The following IL7 variants were observed in gnomAD, a reference collection of about 807,000 sequenced individuals.
IL7 encodes interleukin 7.
IL7 carries 3 observed loss-of-function variants against 21.6 expected under a neutral mutation model. The ratio of observed to expected loss-of-function variants is 0.14; its 90% confidence interval spans 0.06 to 0.36. The LOEUF (loss-of-function observed/expected upper bound fraction) is 0.36, where lower values mean the gene tolerates loss of function less well. Among genes scored for constraint, IL7 ranks in the 10% least tolerant of loss-of-function variants. IL7 has a pLI of 1.00. For missense variants in IL7, 175 were observed against 200.2 expected, an observed-to-expected ratio of 0.87 and a Z score of 0.76; for synonymous variants, 62 against 68.1, an observed-to-expected ratio of 0.91 and a Z score of 0.44.
chr8:78,795,104 G>A (rs1813811393), intron 2 of IL7, among the ~76,000 whole-genome samples: 1 of 152,034 alleles, frequency 6.6e-6, no homozygotes, highest in African/African-American at 2.4e-5. Context: ...GTGAAACGGA[G>A]GTAGTAAGAG....
intron 3 of IL7, chr8:78,698,373 T>G: frequency 1.3e-6 from 2 of 1,514,242 alleles, no homozygotes; most frequent in Non-Finnish European, 1.8e-6. Context: ...TATGTAACCT[T>G]TTTTAGAGTA....
At chr8:78,697,967 C>T (rs754403703) in intron 3 of IL7, among the ~76,000 whole-genome samples, 2 of 152,078 alleles carry the variant, frequency 1.3e-5, no homozygotes, top group South Asian at 4.1e-4. Flanking sequence ...CGTGAGCCAC[C>T]GTGGTGCCGA....
chr8:78,750,603 C>G (rs1586068305), intron 2 of IL7, among the ~76,000 whole-genome samples: 2 of 152,318 alleles, frequency 1.3e-5, no homozygotes, highest in South Asian at 2.1e-4. Context: ...GCAGGCAGAT[C>G]ACGAGGTCAG....
chr8:78,792,667 A>G (rs1813734488), intron 2 of IL7, among the ~76,000 whole-genome samples: 1 of 152,284 alleles, frequency 6.6e-6, no homozygotes, highest in East Asian at 1.9e-4. Flanking sequence ...ATAACAGCCA[A>G]TAATGAAAAG....
intron 3 of IL7, among the ~76,000 whole-genome samples, chr8:78,687,852 TATA>T (rs1810066984): frequency 3.4e-5 from 3 of 87,360 alleles, no homozygotes; most frequent in African/African-American, 8.8e-5. Context: ...TATATATTTA[TATA>T]ATATATATCT....
intron 1 of IL7, among the ~76,000 whole-genome samples, chr8:78,802,434 CTTT>C (rs1237582264): frequency 2.1e-5 from 3 of 143,452 alleles, no homozygotes; most frequent in African/African-American, 2.6e-5. Flanking sequence ...TTTTCTCTCT[CTTT>C]TTTTTTTTTT....
intron 2 of IL7, among the ~76,000 whole-genome samples, chr8:78,791,563 C>T (rs796238327): frequency 3.5e-4 from 54 of 152,244 alleles, no homozygotes; most frequent in African/African-American, 1.3e-3. Context: ...TTGCTTGAAC[C>T]TGGGAGGTGG....
chr8:78,792,365 C>A (rs184892187), intron 2 of IL7, among the ~76,000 whole-genome samples: 339 of 152,126 alleles, frequency 2.2e-3, no homozygotes, highest in Middle Eastern at 6.8e-3. Context: ...TCTTTGTTGT[C>A]TTGGATTAAG....
downstream of IL7, among the ~76,000 whole-genome samples, chr8:78,730,735 A>C (rs186524202): frequency 7.4e-4 from 112 of 152,118 alleles, no homozygotes; most frequent in Non-Finnish European, 1.4e-3. Context: ...AAGGAAGACA[A>C]AGATCATAAT....
chr8:78,687,492 G>A lies in IL7; in HGVS notation n.215-1545C>T, dbSNP rs1810028263. Reference sequence around the variant, plus strand: ...TATATATTTATATATAATTATATATGTTTATATAATAAATTATATATATTT... The same window carrying A: ...TATATATTTATATATAATTATATATATTTATATAATAAATTATATATATTT... On this transcript the variant is annotated intron_variant and non_coding_transcript_variant, in intron 3 of 4. Coordinates refer to the IL7 transcript ENST00000523959. Among the ~76,000 whole-genome samples the A allele has an allele frequency of 1.2e-4, 17 of 140,712 alleles. No individual in the cohort carries two copies. The South Asian group carries it at 3.7e-3, about 31-fold the overall frequency. The allele number at this position is 140,712 out of a possible 152,430, so 92.3% of individuals were successfully genotyped here. A position where few individuals can be genotyped will look rare whatever the true frequency, so the allele number is the denominator to read the frequency against.
intron 2 of IL7, among the ~76,000 whole-genome samples, chr8:78,756,941 C>A (rs1812368156): frequency 1.3e-5 from 2 of 151,424 alleles, no homozygotes; most frequent in Non-Finnish European, 3.0e-5. Context: ...GGGCTTGGAT[C>A]CCTCTTGCTT....
Position 78,805,314 on chromosome 8 carries a change from T to G in IL7, c.-392A>C, listed in dbSNP as rs752799877. 2.8e-5 allele frequency: 5 copies of G among 177,352 alleles called. No homozygotes were observed. Among genetic ancestry groups the G allele is most frequent in the South Asian group, 1.8e-4 (1 of 5,576 alleles). 11.0% of individuals were successfully genotyped at this position (177,352 alleles called of 1,614,324 possible). A position where few individuals can be genotyped will look rare whatever the true frequency, so the allele number is the denominator to read the frequency against. On this transcript the variant is annotated 5_prime_UTR_variant, in exon 1 of 6. Coordinates refer to ENST00000263851, the MANE Select transcript of IL7 (RefSeq NM_000880.4). The stretch of plus-strand genomic sequence containing the variant: ...TGAGGACCAGAGGAATTCGCGAATT[T>G]CCGAATCACCGCAGGAAAAACCAGC...
intron 3 of IL7, among the ~76,000 whole-genome samples, chr8:78,690,966 A>G (rs1810192871): frequency 6.6e-6 from 1 of 152,154 alleles, no homozygotes; most frequent in Non-Finnish European, 1.5e-5. Flanking sequence ...TTTACTAATA[A>G]TAGTCTTCTT....
chr8:78,799,243 C>G, intron 1 of IL7, among the ~76,000 whole-genome samples: 1 of 152,248 alleles, frequency 6.6e-6, no homozygotes, highest in Middle Eastern at 3.4e-3. Flanking sequence ...AAGCAACACT[C>G]CTTCAAACCC....
chr8:78,745,730 AG>A, intron 2 of IL7, among the ~76,000 whole-genome samples: 2 of 152,372 alleles, frequency 1.3e-5, no homozygotes, highest in Admixed American at 1.3e-4. Context: ...AACAAATGAG[AG>A]GATGTTTTCA....
At chr8:78,675,768 A>G (rs377718829) in exon 5 of IL7, 5 of 1,577,660 alleles carry the variant, frequency 3.2e-6, no homozygotes, top group Non-Finnish European at 4.3e-6. Context: ...ATTATTTATT[A>G]AATTCCTTCC....
At chr8:78,681,753 TTG>T (rs1406730662) in intron 4 of IL7, among the ~76,000 whole-genome samples, 1 of 152,154 alleles carries the variant, frequency 6.6e-6, no homozygotes, top group Non-Finnish European at 1.5e-5. Flanking sequence ...ATCTGTTTTG[TTG>T]TGTTTTCCAA....
chr8:78,677,293 A>G (rs181709974), intron 4 of IL7, among the ~76,000 whole-genome samples: 1 of 152,206 alleles, frequency 6.6e-6, no homozygotes, highest in East Asian at 1.9e-4. Context: ...CATTTAAGAC[A>G]GCTTCCATTC....
chr8:78,696,120 C>T (rs534340846), intron 3 of IL7, among the ~76,000 whole-genome samples: 26 of 151,880 alleles, frequency 1.7e-4, no homozygotes, highest in East Asian at 1.5e-3. Context: ...CTGCAAGCTC[C>T]GCCTCCTGGG....
Sources: allele counts gnomAD v4.1 joint callset (sites outside exome capture counted in the v4.1 genomes callset), GRCh38; gene constraint gnomAD v4.1.1; transcripts MANE v1.5; gene names NCBI Gene and HGNC (gene_info 2026-07-23, HGNC 2026-07-21).